EML4: variants seen among roughly 807,000 people sequenced by gnomAD.
EML4 encodes the protein echinoderm microtubule-associated protein-like 4.
A neutral mutation model predicts 129.0 loss-of-function variants in EML4; 72 were observed. That is an observed-to-expected ratio of 0.56 (90% confidence interval 0.46 to 0.68). The LOEUF is 0.68. Among genes scored for constraint, EML4 ranks in the 30% least tolerant of loss-of-function variants. The pLI, the probability that EML4 is intolerant of heterozygous loss-of-function variation, is 0.00. For synonymous variants in EML4, 532 were observed against 405.0 expected, an observed-to-expected ratio of 1.31 and a Z score of -3.77; for missense variants, 1,363 against 1,190.6, an observed-to-expected ratio of 1.14 and a Z score of -2.13.
At chr2:42,329,628 C>G in intron 22 of EML4, 106 bp from the exon 23 acceptor site, 1 of 848,162 alleles carries the variant, frequency 1.2e-6, no homozygotes, top group Non-Finnish European at 1.9e-6. Flanking sequence ...TTGGATTGCC[C>G]ATTTCACAAG....
chr2:42,226,465 C>A (rs941927707), intron 1 of EML4, among the ~76,000 whole-genome samples: 1 of 151,022 alleles, frequency 6.6e-6, no homozygotes, highest in Admixed American at 6.6e-5. Flanking sequence ...CGAGACCATC[C>A]TGGCCAACAT....
rs189089787 is a variant in EML4 at position 42,254,747 on chromosome 2, A to T, written c.209-1754A>T. Among the ~76,000 whole-genome samples the T allele has an allele frequency of 3.0e-3, 459 of 152,280 alleles. 2 individuals carry two copies. Among genetic ancestry groups the T allele is most frequent in the African/African-American group, 0.011 (444 of 41,556 alleles). ...TGTTTGGCAGTTCCTCAATAAGTTGAACATACAACAACCGTGACTCAGCAG... is the reference window on the plus strand; with the variant it reads ...TGTTTGGCAGTTCCTCAATAAGTTGTACATACAACAACCGTGACTCAGCAG... On this transcript the variant is annotated intron_variant, in intron 2 of 22. Transcript: ENST00000318522.
chr2:42,266,650 C>CTTT (rs35088865), intron 6 of EML4, among the ~76,000 whole-genome samples: 1 of 145,618 alleles, frequency 6.9e-6, no homozygotes, highest in African/African-American at 2.5e-5. Flanking sequence ...GGTCCGAAAA[C>CTTT]TTTTTTTTTT....
At position 42,328,999 on chromosome 2, in the gene EML4, C is replaced by A. The variant is rs1669958381; in HGVS notation, c.2455C>A (p.Pro819Thr). The A allele has an allele frequency of 2.5e-6, 4 of 1,612,324 alleles. No individual in the cohort carries two copies. Among genetic ancestry groups the A allele is most frequent in the Non-Finnish European group, 3.4e-6 (4 of 1,179,666 alleles). ...TTGTAAAGTCCATCTGTTTCAGTAT[C>A]CCTGCTCCAAAGCAAAGGTAAACTC... ...DFCKVHLFQY[P>T]CSKAKAPSHK... Residue 819 changes from proline (P) to threonine (T), a missense_variant, in exon 22 of 23, where the codon CCC becomes ACC. Transcript: ENST00000318522.
chr2:42,178,302 G>A (rs1344068240), intron 1 of EML4, among the ~76,000 whole-genome samples: 1 of 152,026 alleles, frequency 6.6e-6, no homozygotes, highest in Non-Finnish European at 1.5e-5. Flanking sequence ...TAGCACTTTG[G>A]GAGGCCAGGG....
rs554259578 is a variant in EML4, at chr2:42,169,396, G to T, written c.-216G>T. 1.1e-4 allele frequency: 40 copies of T among 369,884 alleles called. No individual in the cohort carries two copies. Among genetic ancestry groups the T allele is most frequent in the Middle Eastern group, 7.2e-4 (1 of 1,388 alleles). 22.9% of individuals were successfully genotyped at this position (369,884 alleles called of 1,614,324 possible). A position where few individuals can be genotyped will look rare whatever the true frequency, so the allele number is the denominator to read the frequency against. On this transcript the variant is annotated 5_prime_UTR_variant, in exon 1 of 23. Transcript: ENST00000318522. ...GCCTGGGAGGGAGGCCGGGCAGGCG[G>T]CTGAGCGGCGCGGCTCTCAACGTGA... is the stretch of plus-strand genomic sequence containing the variant.
rs1032995347 is a variant in EML4 at position 42,319,717 on chromosome 2, G to T, written c.2154+2193G>T. 5 of 152,294 alleles carry T rather than the reference G, an allele frequency of 3.3e-5. No homozygotes were observed. The South Asian group carries it at 1.0e-3, about 32-fold the overall frequency. 9.4% of individuals were successfully genotyped at this position (152,294 alleles called of 1,614,324 possible). ...TTAATTTTATTATCTTAAAACTGGA[G>T]TTTATAATAGTTCGTACTTTATAGC... On this transcript the variant is annotated intron_variant, in intron 19 of 22. Coordinates refer to ENST00000318522, the MANE Select transcript of EML4 (RefSeq NM_019063.5).
intron 2 of EML4, among the ~76,000 whole-genome samples, chr2:42,251,923 G>C (rs976467271): frequency 6.6e-6 from 1 of 152,122 alleles, no homozygotes; most frequent in Non-Finnish European, 1.5e-5. Flanking sequence ...TGAAAGCAGG[G>C]ACAGTCACTA....
chr2:42,238,449 A>G (rs1212494914), intron 1 of EML4, among the ~76,000 whole-genome samples: 3 of 152,162 alleles, frequency 2.0e-5, no homozygotes, highest in African/African-American at 4.8e-5. Context: ...AAGATTAGAA[A>G]ACCAAAAATG....
At chr2:42,289,561 A>T (rs762723791) in intron 11 of EML4, 24 of 152,104 alleles carry the variant, frequency 1.6e-4, no homozygotes, top group Non-Finnish European at 3.2e-4. Context: ...ATCTGTACAT[A>T]ATCATCTTTC....
intron 4 of EML4, among the ~76,000 whole-genome samples, 166 bp from the exon 5 acceptor site, chr2:42,263,012 C>G (rs148374489): frequency 1.3e-5 from 2 of 152,216 alleles, no homozygotes; most frequent in African/African-American, 4.8e-5. Flanking sequence ...TGGGAATTGC[C>G]TTGTTTAACT....
At chr2:42,197,915 G>A (rs918212656) in intron 1 of EML4, among the ~76,000 whole-genome samples, 3 of 152,172 alleles carry the variant, frequency 2.0e-5, no homozygotes, top group Non-Finnish European at 4.4e-5. Context: ...TTGAAGCATA[G>A]GGTGGTGGTT....
chr2:42,187,645 A>G (rs1251982257), intron 1 of EML4, among the ~76,000 whole-genome samples: 2 of 151,144 alleles, frequency 1.3e-5, no homozygotes, highest in African/African-American at 4.9e-5. Flanking sequence ...TTCTTTCTCT[A>G]TGAATTCTCC....
At chr2:42,178,945 T>C (rs911880220) in intron 1 of EML4, among the ~76,000 whole-genome samples, 2 of 152,208 alleles carry the variant, frequency 1.3e-5, no homozygotes, top group African/African-American at 4.8e-5. Context: ...GAATCATCAA[T>C]AGGTGCTAAA....
In EML4 at chr2:42,169,609, A is replaced by G. The variant is rs1670133721; in HGVS notation, c.-3A>G. 1 of 1,598,260 alleles carries G rather than the reference A, an allele frequency of 6.3e-7. No homozygotes were observed. The highest frequency in any genetic ancestry group is 8.5e-7 in the Non-Finnish European group (1 of 1,173,426). ...GCCCGGAGCCCGGCGCTTTCCCCGCAAGATGGACGGTTTCGCCGGCAGTCT... is the reference window on the plus strand; with the variant it reads ...GCCCGGAGCCCGGCGCTTTCCCCGCGAGATGGACGGTTTCGCCGGCAGTCT... On this transcript the variant is annotated 5_prime_UTR_variant, in exon 1 of 23. Coordinates refer to ENST00000318522, the MANE Select transcript of EML4 (RefSeq NM_019063.5).
At chr2:42,239,777 T>A (rs1262048791) in intron 1 of EML4, among the ~76,000 whole-genome samples, 1 of 84,300 alleles carries the variant, frequency 1.2e-5, no homozygotes, top group African/African-American at 4.7e-5. Flanking sequence ...CGGCGGGGGG[T>A]GGGGTGTAAG....
At chr2:42,243,708 T>C (rs1675186096) in intron 1 of EML4, among the ~76,000 whole-genome samples, 1 of 152,184 alleles carries the variant, frequency 6.6e-6, no homozygotes, top group Non-Finnish European at 1.5e-5. Context: ...AGAGAGTACA[T>C]GTGTATGCAT....
intron 1 of EML4, among the ~76,000 whole-genome samples, chr2:42,183,556 T>C (rs2103855736): frequency 6.6e-6 from 1 of 152,342 alleles, no homozygotes; most frequent in South Asian, 2.1e-4. Context: ...AGTCACTGTA[T>C]CTGATTTTGA....
chr2:42,272,789 T>C (rs1367322987), intron 6 of EML4, among the ~76,000 whole-genome samples: 1 of 152,240 alleles, frequency 6.6e-6, no homozygotes, highest in Non-Finnish European at 1.5e-5. Flanking sequence ...TGAAGTCATA[T>C]ACTTGATGTC....
Sources: gnomAD v4.1 joint callset for allele counts (sites outside exome capture counted in the v4.1 genomes callset) on GRCh38, gnomAD v4.1.1 for gene constraint, MANE v1.5 for transcripts, NCBI Gene and HGNC (gene_info 2026-07-23, HGNC 2026-07-21) for gene names.